The following PLCB4 variants were observed in gnomAD, a reference collection of about 807,000 sequenced individuals.
The protein encoded by PLCB4 is 1-phosphatidylinositol 4,5-bisphosphate phosphodiesterase beta-4.
A neutral mutation model predicts 178.8 loss-of-function variants in PLCB4; 77 were observed. That is an observed-to-expected ratio of 0.43 (90% CI 0.36 to 0.52). PLCB4 has a LOEUF of 0.52. Among genes scored for constraint, PLCB4 ranks in the 20% least tolerant of loss-of-function variants. The pLI is 0.00. For missense variants in PLCB4, 1,024 were observed against 1,453.4 expected, an observed-to-expected ratio of 0.70 and a Z score of 4.80; for synonymous variants, 496 against 490.8, an observed-to-expected ratio of 1.01 and a Z score of -0.14.
intron 35 of PLCB4, among the ~76,000 whole-genome samples, chr20:9,466,440 A>G (rs1182196158): frequency 1.3e-5 from 2 of 152,230 alleles, no homozygotes; most frequent in Non-Finnish European, 2.9e-5. Context: ...AATGGGATCT[A>G]ATTAAACTAA....
intron 25 of PLCB4, 62 bp from the exon 26 acceptor site, chr20:9,419,745 C>A: frequency 1.0e-6 from 1 of 999,086 alleles, no homozygotes; most frequent in Non-Finnish European, 1.6e-6. Flanking sequence ...ATTGTTTCAA[C>A]TAGCGAGTGT....
chr20:9,139,949 A>G (rs1329737679), intron 2 of PLCB4, among the ~76,000 whole-genome samples: 1 of 152,004 alleles, frequency 6.6e-6, no homozygotes, highest in African/African-American at 2.4e-5. Context: ...AGTGCTCTGA[A>G]GATTATTTGA....
At chr20:9,392,225 A>G (rs138696593) in intron 17 of PLCB4, among the ~76,000 whole-genome samples, 3 of 152,352 alleles carry the variant, frequency 2.0e-5, no homozygotes, top group Middle Eastern at 3.4e-3. Flanking sequence ...AAATGCACAA[A>G]CAAAGCAAGG....
rs889340074 is a variant in PLCB4, at chr20:9,480,758, A to G, written c.*1749A>G. The G allele has an allele frequency of 1.3e-5, 2 of 152,202 alleles. No individual in the cohort carries two copies. Among genetic ancestry groups the G allele is most frequent in the Admixed American group, 6.5e-5 (1 of 15,276 alleles). The allele number at this position is 152,202 out of a possible 1,614,324, so 9.4% of individuals were successfully genotyped here. Reference sequence around the variant, plus strand: ...AGACTACATATCTTTTGGCACTAACATCTCATGAAAAATTATGGTTAATAA... The same window carrying G: ...AGACTACATATCTTTTGGCACTAACGTCTCATGAAAAATTATGGTTAATAA... On this transcript the variant is annotated 3_prime_UTR_variant, in exon 40 of 40. Transcript: ENST00000378473.
intron 3 of PLCB4, among the ~76,000 whole-genome samples, chr20:9,257,671 C>T (rs1040754675): frequency 1.3e-5 from 2 of 152,132 alleles, no homozygotes; most frequent in African/African-American, 4.8e-5. Flanking sequence ...CACATAGATA[C>T]ATATTTGGAC....
chr20:9,329,334 ACTAT>A (rs2031269404), intron 4 of PLCB4, among the ~76,000 whole-genome samples: 2 of 152,206 alleles, frequency 1.3e-5, no homozygotes, highest in Admixed American at 1.3e-4. Flanking sequence ...TTGTACTGAC[ACTAT>A]CTGCCTAATA....
chr20:9,183,019 C>G (rs2093272336), intron 2 of PLCB4, among the ~76,000 whole-genome samples: 1 of 152,144 alleles, frequency 6.6e-6, no homozygotes, highest in African/African-American at 2.4e-5. Context: ...TCACGCTGCT[C>G]TGCCTCACAG....
chr20:9,301,536 G>C (rs896171724), intron 3 of PLCB4, among the ~76,000 whole-genome samples: 2 of 152,102 alleles, frequency 1.3e-5, no homozygotes, highest in Non-Finnish European at 2.9e-5. Context: ...AGGAAGACAA[G>C]ACAGCAGGTT....
chr20:9,116,076 A>G (rs906374626), intron 2 of PLCB4, among the ~76,000 whole-genome samples: 2 of 151,970 alleles, frequency 1.3e-5, no homozygotes, highest in Non-Finnish European at 1.5e-5. Flanking sequence ...ATGTGAATAT[A>G]TATATATAAT....
chr20:9,311,931 G>C (rs568464245), intron 4 of PLCB4, among the ~76,000 whole-genome samples: 4 of 152,276 alleles, frequency 2.6e-5, no homozygotes, highest in African/African-American at 7.2e-5. Flanking sequence ...TGGCTACTGG[G>C]ACTGAGGGAC....
intron 3 of PLCB4, among the ~76,000 whole-genome samples, chr20:9,276,692 A>G (rs1171208120): frequency 6.6e-6 from 1 of 152,050 alleles, no homozygotes; most frequent in Non-Finnish European, 1.5e-5. Flanking sequence ...GCTCACAGCC[A>G]CAGTCTAGTC....
At chr20:9,161,938 C>T (rs904576739) in intron 2 of PLCB4, among the ~76,000 whole-genome samples, 16 of 152,088 alleles carry the variant, frequency 1.1e-4, no homozygotes, top group East Asian at 3.9e-4. Context: ...ACATTAATGC[C>T]GATAATCACT....
intron 30 of PLCB4, among the ~76,000 whole-genome samples, chr20:9,441,086 C>T (rs1303071246): frequency 6.6e-6 from 1 of 152,202 alleles, no homozygotes; most frequent in Non-Finnish European, 1.5e-5. Flanking sequence ...GCACATTCTT[C>T]TCATGCATAT....
chr20:9,408,840 A>G, intron 23 of PLCB4, 123 bp downstream of exon 23: 2 of 695,200 alleles, frequency 2.9e-6, no homozygotes, highest in Non-Finnish European at 5.1e-6. Flanking sequence ...TATGTGGGAA[A>G]GACCATGGCA....
At position 9,226,628 on chromosome 20, in the gene PLCB4, G is replaced by A. The variant is rs532361615; in HGVS notation, c.-16+9176G>A. 5.9e-5 allele frequency among the ~76,000 whole-genome samples: 9 copies of A among 152,198 alleles called. 1 individual carries two copies. Among genetic ancestry groups the A allele is most frequent in the South Asian group, 2.1e-4 (1 of 4,820 alleles). ...CTTATTGCAGATACTGAGAATCTTC[G>A]TCCCCATTTTCCTTCCTTTCCTATA... is the stretch of plus-strand genomic sequence containing the variant. On this transcript the variant is annotated intron_variant, in intron 3 of 39. Coordinates refer to ENST00000378473, the MANE Select transcript of PLCB4 (RefSeq NM_001377142.1).
At chr20:9,415,096 A>G (rs185668729) in intron 25 of PLCB4, among the ~76,000 whole-genome samples, 15 of 152,344 alleles carry the variant, frequency 9.8e-5, no homozygotes, top group African/African-American at 3.6e-4. Context: ...AGTTATAACA[A>G]TATAGTGTAA....
At chr20:9,242,437 T>A (rs2094074796) in intron 3 of PLCB4, among the ~76,000 whole-genome samples, 1 of 152,232 alleles carries the variant, frequency 6.6e-6, no homozygotes, top group African/African-American at 2.4e-5. Context: ...AAGGGATGGC[T>A]CCTTTGTCCC....
At chr20:9,078,109 T>C (rs780755818) in intron 1 of PLCB4, among the ~76,000 whole-genome samples, 1 of 151,698 alleles carries the variant, frequency 6.6e-6, no homozygotes, top group Non-Finnish European at 1.5e-5. Context: ...GACTCTCGAG[T>C]AGTTGGGACC....
intron 13 of PLCB4, among the ~76,000 whole-genome samples, chr20:9,383,930 C>T (rs6133703): frequency 0.23 from 35,629 of 151,990 alleles, 4,338 homozygotes; most frequent in Non-Finnish European, 0.27. Flanking sequence ...ACCATAACTC[C>T]CAGTGCTGTG....
Sources: gnomAD v4.1 joint callset for allele counts (sites outside exome capture counted in the v4.1 genomes callset) on GRCh38, gnomAD v4.1.1 for gene constraint, MANE v1.5 for transcripts, NCBI Gene and HGNC (gene_info 2026-07-23, HGNC 2026-07-21) for gene names.